Variants in RASSF6 observed in about 807,000 individuals in gnomAD.
RASSF6 encodes ras association domain-containing protein 6.
RASSF6 carries 52 observed loss-of-function variants against 44.0 expected under a neutral mutation model. That is an observed-to-expected ratio of 1.18 (90% CI 0.95 to 1.49). The LOEUF (loss-of-function observed/expected upper bound fraction) is 1.49. RASSF6 is among the 40% of genes most tolerant of loss of function. The pLI is 0.00. For synonymous variants in RASSF6, 162 were observed against 124.6 expected (o/e 1.30, Z -2.00); for missense variants, 464 against 393.3 (o/e 1.18, Z -1.52).
chr4:73,605,548 A>G (rs913328572), intron 2 of RASSF6, among the ~76,000 whole-genome samples: 15 of 152,236 alleles, frequency 9.9e-5, no homozygotes, highest in African/African-American at 1.7e-4. Context: ...ATGCTTTTCA[A>G]TCTTTGCATA....
chr4:73,601,568 A>T (rs1213856193), intron 2 of RASSF6, among the ~76,000 whole-genome samples: 1 of 152,234 alleles, frequency 6.6e-6, no homozygotes, highest in Non-Finnish European at 1.5e-5. Flanking sequence ...AAACTAAAGT[A>T]TTGGAGTAAA....
chr4:73,594,558 C>G (rs1328148075), intron 3 of RASSF6, among the ~76,000 whole-genome samples: 1 of 152,154 alleles, frequency 6.6e-6, no homozygotes, highest in Admixed American at 6.5e-5. Context: ...TTATGATAAC[C>G]CCTAATTCAC....
At chr4:73,601,738 C>T (rs1463525670) in intron 2 of RASSF6, among the ~76,000 whole-genome samples, 1 of 152,166 alleles carries the variant, frequency 6.6e-6, no homozygotes, top group East Asian at 1.9e-4. Flanking sequence ...AGTTTATGTA[C>T]CTGATGAAAC....
At chr4:73,577,996 T>C (rs371180691) in intron 8 of RASSF6, among the ~76,000 whole-genome samples, 165 of 26,744 alleles carry the variant, frequency 6.2e-3, no homozygotes, top group African/African-American at 0.019. Context: ...GTTTTCCAGA[T>C]TACTGCCCAA....
Position 73,579,627 on chromosome 4 carries a change from G to A in RASSF6, c.721+2190C>T, listed in dbSNP as rs555197950. ...TTTCATGCTTTTTTCTATTTTTATC[G>A]GATTGTCTGTTGTTTTGTTACCATT... On this transcript the variant is annotated intron_variant, in intron 8 of 10. Transcript: ENST00000307439. Among the ~76,000 whole-genome samples, 396 of 151,690 alleles carry A rather than the reference G, an allele frequency of 2.6e-3. 2 individuals carry two copies. Among genetic ancestry groups the A allele is most frequent in the African/African-American group, 9.1e-3 (377 of 41,374 alleles).
Position 73,576,292 on chromosome 4 carries a change from C to T in RASSF6, c.957G>A (p.Ala319=), listed in dbSNP as rs146247849. 8.0e-5 allele frequency: 125 copies of T among 1,560,502 alleles called. No homozygotes were observed. The Middle Eastern group carries it at 1.5e-3, about 19-fold the overall frequency. The change falls in exon 11 of 11, where the codon GCG becomes GCA. Residue 319 remains alanine, a synonymous_variant. Coordinates refer to ENST00000307439, the MANE Select transcript of RASSF6 (RefSeq NM_177532.5). The part of the protein sequence containing the change: ...RIVTKFNKEK[A]IILKCLQNKL... ...TATTTTGAAGACATTTCAGTATAATCGCCTTTTCTTTATTGAATCTGAAAA... is the reference window on the plus strand; with the variant it reads ...TATTTTGAAGACATTTCAGTATAATTGCCTTTTCTTTATTGAATCTGAAAA...
At chr4:73,610,260 A>T (rs569528000) in intron 2 of RASSF6, among the ~76,000 whole-genome samples, 1 of 152,102 alleles carries the variant, frequency 6.6e-6, no homozygotes, top group African/African-American at 2.4e-5. Flanking sequence ...CTATATCCAG[A>T]ATCTGACCAT....
chr4:73,598,267 T>C (rs1264332933), intron 3 of RASSF6, among the ~76,000 whole-genome samples: 2 of 152,204 alleles, frequency 1.3e-5, no homozygotes, highest in African/African-American at 2.4e-5. Context: ...AGATGCATCA[T>C]AATTTATTTG....
chr4:73,620,267 T>C, intron 1 of RASSF6, 21 bp downstream of exon 1: 1 of 1,389,228 alleles, frequency 7.2e-7, no homozygotes, highest in South Asian at 1.7e-5. Context: ...GAAAGTTTTT[T>C]TCCCCATCCC....
At chr4:73,615,178 C>CAAAAAAA (rs59463389) in intron 1 of RASSF6, among the ~76,000 whole-genome samples, 9 of 76,952 alleles carry the variant, frequency 1.2e-4, no homozygotes, top group African/African-American at 3.4e-4. Flanking sequence ...GACTCTGTCT[C>CAAAAAAA]AAAAAAAAAA....
chr4:73,611,532 C>A (rs914111969), intron 2 of RASSF6, among the ~76,000 whole-genome samples, 199 bp downstream of exon 2: 2 of 151,842 alleles, frequency 1.3e-5, no homozygotes, highest in Admixed American at 1.3e-4. Context: ...CACTGTTAAA[C>A]AAAATATTAG....
At chr4:73,613,975 T>C (rs1002969091) in intron 1 of RASSF6, among the ~76,000 whole-genome samples, 1 of 152,162 alleles carries the variant, frequency 6.6e-6, no homozygotes, top group Non-Finnish European at 1.5e-5. Flanking sequence ...ACCTAATCTC[T>C]ACTTAGATGT....
chr4:73,620,582 G>T (rs1017483041), upstream of RASSF6: 1 of 1,074,666 alleles, frequency 9.3e-7, no homozygotes, highest in Non-Finnish European at 1.3e-6. Context: ...TCTCCTTTTC[G>T]CCACAGCAGG....
At chr4:73,578,337 AT>A (rs1723380183) in intron 8 of RASSF6, among the ~76,000 whole-genome samples, 1 of 152,130 alleles carries the variant, frequency 6.6e-6, no homozygotes, top group East Asian at 1.9e-4. Flanking sequence ...CAAAGAGGGA[AT>A]TTTCAAATCT....
chr4:73,611,695 G>A (rs896951135), intron 2 of RASSF6, 36 bp downstream of exon 2: 3 of 1,350,858 alleles, frequency 2.2e-6, no homozygotes, highest in African/African-American at 2.9e-5. Context: ...AATGACTGGT[G>A]AGTAGGACAA....
chr4:73,581,347 G>A (rs922001070), intron 8 of RASSF6, among the ~76,000 whole-genome samples: 26 of 152,196 alleles, frequency 1.7e-4, no homozygotes, highest in South Asian at 1.0e-3. Flanking sequence ...CCCTCACCAC[G>A]AAGTTCTGAA....
At chr4:73,579,151 T>C (rs1312223585) in intron 8 of RASSF6, among the ~76,000 whole-genome samples, 1 of 152,200 alleles carries the variant, frequency 6.6e-6, no homozygotes, top group Admixed American at 6.5e-5. Context: ...GGCATAAATC[T>C]ACTCATTCCA....
chr4:73,620,227 G>A, intron 1 of RASSF6, 61 bp downstream of exon 1: 1 of 1,094,386 alleles, frequency 9.1e-7, no homozygotes, highest in Non-Finnish European at 1.2e-6. Context: ...CTAATAACTT[G>A]CCCTCAACAT....
chr4:73,578,763 C>A (rs1030333229), intron 8 of RASSF6, among the ~76,000 whole-genome samples: 1 of 151,970 alleles, frequency 6.6e-6, no homozygotes, highest in Admixed American at 6.6e-5. Context: ...TGTGCGCCAC[C>A]ACACCTGGCT....
Sources: gnomAD v4.1 joint callset for allele counts (sites outside exome capture counted in the v4.1 genomes callset) on GRCh38, gnomAD v4.1.1 for gene constraint, MANE v1.5 for transcripts, NCBI Gene and HGNC (gene_info 2026-07-23, HGNC 2026-07-21) for gene names.